The following C14orf132 variants were observed in gnomAD, a reference collection of about 807,000 sequenced individuals.
C14orf132 encodes chromosome 14 open reading frame 132.
Under a neutral mutation model 5.8 loss-of-function variants are expected in C14orf132, and 6 were observed. That is an observed-to-expected ratio of 1.03 (90% CI 0.57 to 2.04). The LOEUF (loss-of-function observed/expected upper bound fraction) is 2.04. Among genes scored for constraint, C14orf132 ranks in the 30% most tolerant of loss-of-function variants. The probability of loss-of-function intolerance (pLI) is 0.00; values close to 1 mark genes in which losing one functional copy is unlikely to be tolerated. For missense variants in C14orf132, 125 were observed against 115.8 expected, an observed-to-expected ratio of 1.08 and a Z score of -0.37; for synonymous variants, 51 against 49.8, an observed-to-expected ratio of 1.02 and a Z score of -0.10.
intron 1 of C14orf132, among the ~76,000 whole-genome samples, chr14:96,068,832 T>C (rs1887613363): frequency 6.6e-6 from 1 of 152,080 alleles, no homozygotes; most frequent in Non-Finnish European, 1.5e-5. Context: ...ATTGGGTGTG[T>C]CCATGACAGT....
chr14:96,045,399 G>C (rs923227895), intron 1 of C14orf132, among the ~76,000 whole-genome samples: 1 of 152,210 alleles, frequency 6.6e-6, no homozygotes, highest in Non-Finnish European at 1.5e-5. Flanking sequence ...AGTATCTCCT[G>C]TTGGGAGTGT....
Position 96,091,195 on chromosome 14 carries a change from C to T in C14orf132, c.*4460C>T. 2.7e-6 allele frequency: 1 copy of T among 366,246 alleles called. No homozygotes were observed. The highest frequency in any genetic ancestry group is 2.1e-5 in the South Asian group (1 of 48,188). 22.7% of individuals were successfully genotyped at this position (366,246 alleles called of 1,614,324 possible). ...GCATCATGCCCACCAGGGTGATCCC[C>T]CTGGGATGGACCATCTCGGGATATG... On this transcript the variant is annotated 3_prime_UTR_variant, in exon 2 of 2. Coordinates refer to ENST00000555004, the MANE Select transcript of C14orf132 (RefSeq NM_001252507.3).
Position 96,086,715 on chromosome 14 carries a change from G to C in C14orf132, c.232G>C (p.Val78Leu), listed in dbSNP as rs1888204643. 3.9e-6 allele frequency: 6 copies of C among 1,536,048 alleles called. No homozygotes were observed. In the East Asian group the frequency reaches 1.5e-4, roughly 38 times the overall value. Residue 78 changes from valine to leucine, a missense_variant, in exon 2 of 2, where the codon GTG (valine) becomes CTG (leucine). By Grantham distance (32) the Val-to-Leu change is conservative. Transcript: ENST00000555004. ...GGGGAACATCGTGGTGGTGGGCGTG[G>C]TGTATGCCTTCACCTTCTGAGGACG... ...TLGNIVVVGV[V>L]YAFTF
intron 1 of C14orf132, among the ~76,000 whole-genome samples, chr14:96,066,029 C>G (rs1007382289): frequency 6.6e-6 from 1 of 152,190 alleles, no homozygotes; most frequent in Non-Finnish European, 1.5e-5. Context: ...AACAGAGGCA[C>G]AGCCTCCTCC....
chr14:96,082,522 C>T (rs1888057500), intron 1 of C14orf132, among the ~76,000 whole-genome samples: 2 of 152,100 alleles, frequency 1.3e-5, no homozygotes, highest in Admixed American at 1.3e-4. Flanking sequence ...AATATCAAAA[C>T]AAAATAAAAC....
intron 1 of C14orf132, among the ~76,000 whole-genome samples, chr14:96,040,771 A>G (rs551016786): frequency 5.3e-4 from 80 of 151,670 alleles, no homozygotes; most frequent in African/African-American, 1.9e-3. Context: ...CTGATTTTAC[A>G]TCTCCTGTGC....
chr14:96,058,727 T>C (rs934836404), intron 1 of C14orf132, among the ~76,000 whole-genome samples: 1 of 152,154 alleles, frequency 6.6e-6, no homozygotes, highest in Non-Finnish European at 1.5e-5. Context: ...AAACAGAGAA[T>C]GGGAAGGATC....
At chr14:96,052,008 G>C (rs1476382306) in intron 1 of C14orf132, among the ~76,000 whole-genome samples, 1 of 152,246 alleles carries the variant, frequency 6.6e-6, no homozygotes, top group African/African-American at 2.4e-5. Flanking sequence ...TGTGCTGCGT[G>C]GGCAGCCTAT....
intron 1 of C14orf132, among the ~76,000 whole-genome samples, chr14:96,064,363 T>TACACACACAC (rs148402921): frequency 6.1e-4 from 83 of 135,848 alleles, no homozygotes; most frequent in Middle Eastern, 3.7e-3. Context: ...GGTGCATATA[T>TACACACACAC]ACACACACAC....
rs556541833 is a variant in C14orf132, at chr14:96,072,331, T to C, written c.28-14180T>C. 1.1e-4 allele frequency among the ~76,000 whole-genome samples: 16 copies of C among 152,226 alleles called. 1 individual carries two copies. The South Asian group carries it at 3.1e-3, about 30-fold the overall frequency. On this transcript the variant is annotated intron_variant, in intron 1 of 1. Transcript: ENST00000555004. ...ACGTGGAGGCAGATGTGGTTTGGGG[T>C]CCAGCCTGACCCTGGGTGCTTGGGC... is the stretch of plus-strand genomic sequence containing the variant.
At chr14:96,042,875 G>A (rs1214412794) in intron 1 of C14orf132, among the ~76,000 whole-genome samples, 3 of 152,204 alleles carry the variant, frequency 2.0e-5, no homozygotes, top group African/African-American at 7.2e-5. Context: ...TGGAGGATGT[G>A]AACAGTGAAA....
At chr14:96,056,337 G>T (rs1024814073) in intron 1 of C14orf132, among the ~76,000 whole-genome samples, 11 of 152,218 alleles carry the variant, frequency 7.2e-5, no homozygotes, top group Non-Finnish European at 1.0e-4. Context: ...GGGTCAGGGT[G>T]GTCAGCTGGG....
chr14:96,061,340 T>C (rs1887350833), intron 1 of C14orf132, among the ~76,000 whole-genome samples: 1 of 152,220 alleles, frequency 6.6e-6, no homozygotes. Flanking sequence ...CTGCACCTTC[T>C]CCCTGTTGGA....
At chr14:96,051,058 C>A (rs1029279371) in intron 1 of C14orf132, 34 of 397,608 alleles carry the variant, frequency 8.6e-5, no homozygotes, top group Non-Finnish European at 1.5e-4. Context: ...ATCCAGCCAG[C>A]ATTTCTCTTT....
rs1466414355 is a variant in C14orf132 at position 96,089,603 on chromosome 14, C to G, written c.*2868C>G. The G allele has an allele frequency of 6.6e-6, 1 of 152,364 alleles. No individual in the cohort carries two copies. The highest frequency in any genetic ancestry group is 2.1e-4 in the South Asian group (1 of 4,830). 9.4% of individuals were successfully genotyped at this position (152,364 alleles called of 1,614,324 possible). On this transcript the variant is annotated 3_prime_UTR_variant, in exon 2 of 2. Transcript: ENST00000555004. Reference sequence around the variant, plus strand: ...TGGCCTGGGCCAGCTCTGGCTTCCACAGGTCCCTGACTGTCCTCAGAGTGG... The same window carrying G: ...TGGCCTGGGCCAGCTCTGGCTTCCAGAGGTCCCTGACTGTCCTCAGAGTGG...
intron 1 of C14orf132, among the ~76,000 whole-genome samples, chr14:96,074,661 A>G (rs924100100): frequency 6.6e-6 from 1 of 151,922 alleles, no homozygotes; most frequent in Non-Finnish European, 1.5e-5. Context: ...CACTTGTTCC[A>G]GCATCATTTG....
chr14:96,076,840 G>A (rs1261537347), intron 1 of C14orf132, among the ~76,000 whole-genome samples: 8 of 152,162 alleles, frequency 5.3e-5, no homozygotes, highest in Non-Finnish European at 1.2e-4. Flanking sequence ...CTGATAACTT[G>A]TATTTTCACT....
Position 96,067,592 on chromosome 14 carries a change from G to A in C14orf132, c.28-18919G>A, listed in dbSNP as rs568545812. 1.1e-4 allele frequency among the ~76,000 whole-genome samples: 17 copies of A among 151,960 alleles called. 1 individual carries two copies. The highest frequency in any genetic ancestry group is 3.9e-4 in the African/African-American group (16 of 41,390). On this transcript the variant is annotated intron_variant, in intron 1 of 1. Coordinates refer to ENST00000555004, the MANE Select transcript of C14orf132 (RefSeq NM_001252507.3). Reference sequence around the variant, plus strand: ...TGGGCACCTATAATCCCAGCTACTCGGGAGGCTGAGGCAGGAGAATCGCTT... The same window carrying A: ...TGGGCACCTATAATCCCAGCTACTCAGGAGGCTGAGGCAGGAGAATCGCTT...
rs898354036 is a variant in C14orf132 at position 96,086,987 on chromosome 14, G to A, written c.*252G>A. On this transcript the variant is annotated 3_prime_UTR_variant, in exon 2 of 2. Coordinates refer to ENST00000555004, the MANE Select transcript of C14orf132 (RefSeq NM_001252507.3). ...GGGCAAGGCCTTCAGAGGGCAGATT[G>A]GGGATCCTTGAAACTACATTCCAGG... 1 of 538,836 alleles carries A rather than the reference G, an allele frequency of 1.9e-6. No homozygotes were observed. Among genetic ancestry groups the A allele is most frequent in the East Asian group, 3.1e-5 (1 of 32,226 alleles). 33.4% of individuals were successfully genotyped at this position (538,836 alleles called of 1,614,324 possible). A position where few individuals can be genotyped will look rare whatever the true frequency, so the allele number is the denominator to read the frequency against.
Sources: allele counts gnomAD v4.1 joint callset (sites outside exome capture counted in the v4.1 genomes callset), GRCh38; gene constraint gnomAD v4.1.1; transcripts MANE v1.5; gene names NCBI Gene and HGNC (gene_info 2026-07-23, HGNC 2026-07-21).